MALRD1: variants seen among roughly 807,000 people sequenced by gnomAD.
MALRD1 encodes MAM and LDL receptor class A domain containing 1, also known as MAM and LDL-receptor class A domain-containing protein 1.
A neutral mutation model predicts 242.1 loss-of-function variants in MALRD1; 247 were observed. The ratio of observed to expected loss-of-function variants is 1.02; its 90% CI spans 0.92 to 1.13. The LOEUF (loss-of-function observed/expected upper bound fraction) is 1.13. MALRD1 is among the 50% of genes most tolerant of loss of function. The pLI, the probability that MALRD1 is intolerant of heterozygous loss-of-function variation, is 0.00. For synonymous variants in MALRD1, 995 were observed against 866.6 expected, an observed-to-expected ratio of 1.15 and a Z score of -2.60; for missense variants, 2,989 against 2,533.1, an observed-to-expected ratio of 1.18 and a Z score of -3.86.
rs557417871 is a variant in MALRD1, at chr10:19,554,867, A to G, written c.5479-12635A>G. ...ACTGTATGCACATATGCATGCATGT[A>G]TCTTTGTAATAGAATGATTTATATT... On this transcript the variant is annotated intron_variant, in intron 32 of 39. Transcript: ENST00000454679. Among the ~76,000 whole-genome samples the G allele has an allele frequency of 2.0e-5, 3 of 152,124 alleles. 1 individual carries two copies.
intron 28 of MALRD1, among the ~76,000 whole-genome samples, chr10:19,429,882 T>G (rs1303820783): frequency 6.6e-6 from 1 of 152,100 alleles, no homozygotes; most frequent in East Asian, 1.9e-4. Context: ...CCAAATTCCC[T>G]ACCATCTTTA....
In MALRD1 at chr10:19,501,568, G is replaced by A. The variant is rs920989060; in HGVS notation, c.5320+2922G>A. ...AGTGTGATCTAGTTTTTCTAAAGCAGACAACAACTAGTACCCCCTTATTGT... is the reference window on the plus strand; with the variant it reads ...AGTGTGATCTAGTTTTTCTAAAGCAAACAACAACTAGTACCCCCTTATTGT... On this transcript the variant is annotated intron_variant, in intron 31 of 39. Coordinates refer to ENST00000454679, the MANE Select transcript of MALRD1 (RefSeq NM_001142308.3). 2.0e-5 allele frequency among the ~76,000 whole-genome samples: 3 copies of A among 152,160 alleles called. No individual in the cohort carries two copies. In the East Asian group the frequency reaches 5.8e-4, roughly 29 times the overall value.
At chr10:19,673,012 G>T (rs1841993290) in intron 36 of MALRD1, among the ~76,000 whole-genome samples, 1 of 152,126 alleles carries the variant, frequency 6.6e-6, no homozygotes, top group Non-Finnish European at 1.5e-5. Flanking sequence ...GAGGTAGTCT[G>T]TTGATAACTT....
intron 28 of MALRD1, among the ~76,000 whole-genome samples, chr10:19,416,387 T>C (rs1833514297): frequency 6.6e-6 from 1 of 152,188 alleles, no homozygotes; most frequent in Non-Finnish European, 1.5e-5. Flanking sequence ...CCAGAATAAA[T>C]GAATATTGAG....
At chr10:19,230,703 GGAGAGAGTT>G (rs1838014301) in intron 18 of MALRD1, among the ~76,000 whole-genome samples, 2 of 152,082 alleles carry the variant, frequency 1.3e-5, no homozygotes, top group Non-Finnish European at 2.9e-5. Flanking sequence ...CTGGGAAAAG[GGAGAGAGTT>G]AGCTTCCCTC....
At chr10:19,304,673 A>C (rs913632117) in intron 21 of MALRD1, among the ~76,000 whole-genome samples, 5 of 151,792 alleles carry the variant, frequency 3.3e-5, no homozygotes, top group African/African-American at 1.2e-4. Context: ...TTTGTGTTTG[A>C]AAAATGTTTC....
At chr10:19,532,100 C>A (rs772154690) in intron 32 of MALRD1, among the ~76,000 whole-genome samples, 1 of 152,114 alleles carries the variant, frequency 6.6e-6, no homozygotes, top group South Asian at 2.1e-4. Flanking sequence ...GTATTATAAA[C>A]ACTCTATGGT....
At chr10:19,322,206 C>G (rs1005900585) in intron 21 of MALRD1, among the ~76,000 whole-genome samples, 4 of 151,992 alleles carry the variant, frequency 2.6e-5, no homozygotes, top group Non-Finnish European at 5.9e-5. Flanking sequence ...ACTGTTGCCT[C>G]TATGTATCTG....
At chr10:19,513,300 C>A (rs568185448) in intron 31 of MALRD1, among the ~76,000 whole-genome samples, 3 of 152,064 alleles carry the variant, frequency 2.0e-5, no homozygotes, top group Non-Finnish European at 4.4e-5. Context: ...TTTCTCACTA[C>A]GTGATCTAAC....
intron 19 of MALRD1, among the ~76,000 whole-genome samples, chr10:19,264,297 A>G (rs1480271573): frequency 6.6e-6 from 1 of 152,114 alleles, no homozygotes. Context: ...TGGTCATAAT[A>G]TATGATCCTT....
At chr10:19,273,997 G>T (rs562059065) in intron 19 of MALRD1, among the ~76,000 whole-genome samples, 1 of 152,142 alleles carries the variant, frequency 6.6e-6, no homozygotes, top group African/African-American at 2.4e-5. Context: ...TGAGACTATA[G>T]AGAGATCAAA....
At chr10:19,101,804 G>T (rs1836269956) in intron 4 of MALRD1, among the ~76,000 whole-genome samples, 2 of 134,176 alleles carry the variant, frequency 1.5e-5, no homozygotes, top group African/African-American at 5.4e-5. Context: ...GATACATATA[G>T]AATAAATTTA....
chr10:19,521,601 C>T (rs189855794), intron 31 of MALRD1, among the ~76,000 whole-genome samples: 256 of 152,172 alleles, frequency 1.7e-3, no homozygotes, highest in Middle Eastern at 3.4e-3. Context: ...GGCCATTGAT[C>T]TAGATAGTGT....
intron 5 of MALRD1, among the ~76,000 whole-genome samples, chr10:19,114,434 C>T (rs908303508): frequency 6.6e-5 from 10 of 151,904 alleles, no homozygotes; most frequent in Non-Finnish European, 1.0e-4. Context: ...GTCAGGAGTT[C>T]GAGACCAGCC....
intron 26 of MALRD1, among the ~76,000 whole-genome samples, chr10:19,380,277 CTTTT>C (rs11449066): frequency 7.1e-6 from 1 of 140,672 alleles, no homozygotes. Context: ...GGCCAGCCTT[CTTTT>C]TTTTTTTTTT....
chr10:19,246,622 A>G (rs1163800671), intron 18 of MALRD1, among the ~76,000 whole-genome samples: 1 of 152,276 alleles, frequency 6.6e-6, no homozygotes, highest in South Asian at 2.1e-4. Flanking sequence ...AACAAAAAAT[A>G]GAACTCAGGC....
chr10:19,711,254 G>T (rs546461650), intron 38 of MALRD1: 59 of 152,218 alleles, frequency 3.9e-4, no homozygotes, highest in African/African-American at 1.3e-3. Flanking sequence ...GCTCACTAAT[G>T]AATCAAAGTT....
At chr10:19,615,092 A>G (rs1839080397) in intron 35 of MALRD1, among the ~76,000 whole-genome samples, 1 of 152,094 alleles carries the variant, frequency 6.6e-6, no homozygotes, top group Non-Finnish European at 1.5e-5. Context: ...AGGATATTGA[A>G]TGTTCTCAAC....
At chr10:19,198,383 G>T (rs1836360320) in intron 14 of MALRD1, among the ~76,000 whole-genome samples, 1 of 152,180 alleles carries the variant, frequency 6.6e-6, no homozygotes, top group African/African-American at 2.4e-5. Flanking sequence ...CATGAAGCAG[G>T]CTTGTATCAC....
Sources: gnomAD v4.1 joint callset for allele counts (sites outside exome capture counted in the v4.1 genomes callset) on GRCh38, gnomAD v4.1.1 for gene constraint, MANE v1.5 for transcripts, NCBI Gene and HGNC (gene_info 2026-07-23, HGNC 2026-07-21) for gene names.